MVB12B: variants seen among roughly 807,000 people sequenced by gnomAD.
MVB12B encodes ESCRT-I complex subunit MVB12B.
A neutral mutation model predicts 41.6 loss-of-function variants in MVB12B; 16 were observed. The observed-to-expected ratio is 0.38, with a 90% CI of 0.26 to 0.58. The LOEUF (loss-of-function observed/expected upper bound fraction) is 0.58, where lower values mean the gene tolerates loss of function less well. Ranked by LOEUF, MVB12B falls within the 20% of genes least tolerant of loss-of-function variation. The pLI, the probability that MVB12B is intolerant of heterozygous loss-of-function variation, is 0.62. For synonymous variants in MVB12B, 133 were observed against 139.7 expected, an observed-to-expected ratio of 0.95 and a Z score of 0.34; for missense variants, 274 against 380.2, an observed-to-expected ratio of 0.72 and a Z score of 2.32.
At chr9:126,371,751 T>C (rs1381092831) in intron 2 of MVB12B, among the ~76,000 whole-genome samples, 1 of 152,178 alleles carries the variant, frequency 6.6e-6, no homozygotes, top group Non-Finnish European at 1.5e-5. Context: ...CTCAGAAAAA[T>C]ATTCCGTGAA....
At chr9:126,446,963 G>A (rs1459754314) in intron 7 of MVB12B, among the ~76,000 whole-genome samples, 1 of 81,846 alleles carries the variant, frequency 1.2e-5, no homozygotes, top group Non-Finnish European at 2.4e-5. Flanking sequence ...TTTTTCCTTT[G>A]AGACAATGTC....
At chr9:126,491,822 G>A (rs1314639899) in intron 9 of MVB12B, among the ~76,000 whole-genome samples, 1 of 152,074 alleles carries the variant, frequency 6.6e-6, no homozygotes, top group African/African-American at 2.4e-5. Flanking sequence ...GAAGTCTGAG[G>A]CTTCTTTTCA....
At chr9:126,417,464 G>C (rs1197926033) in intron 6 of MVB12B, among the ~76,000 whole-genome samples, 1 of 152,118 alleles carries the variant, frequency 6.6e-6, no homozygotes, top group Non-Finnish European at 1.5e-5. Context: ...CTCCATAATG[G>C]AGAGAGGTGA....
chr9:126,402,581 G>T (rs1167372715), intron 6 of MVB12B, among the ~76,000 whole-genome samples: 2 of 152,180 alleles, frequency 1.3e-5, no homozygotes, highest in African/African-American at 4.8e-5. Flanking sequence ...AATCAAGGCT[G>T]CAGTGAGCTG....
In MVB12B at chr9:126,478,338, A is replaced by G. The variant is rs1018787810; in HGVS notation, c.758-3031A>G. Among the ~76,000 whole-genome samples the G allele has an allele frequency of 1.3e-5, 2 of 152,002 alleles. No homozygotes were observed. The highest frequency in any genetic ancestry group is 4.8e-5 in the African/African-American group (2 of 41,358). ...TGCCCCAGGCTGGAGCCCTCTACCC[A>G]GTTCCCCAGATCCCCGTGCATGGGA... On this transcript the variant is annotated intron_variant, in intron 7 of 9. Transcript: ENST00000361171. This position sits in a 1 kb window ranked among gnomAD's most constrained non-coding sequence, Gnocchi z 4.2.
chr9:126,343,823 A>G (rs1183062943), intron 2 of MVB12B, among the ~76,000 whole-genome samples: 1 of 152,220 alleles, frequency 6.6e-6, no homozygotes, highest in Non-Finnish European at 1.5e-5. Context: ...AGACTGAGGC[A>G]GGACAATCGA....
intron 6 of MVB12B, among the ~76,000 whole-genome samples, chr9:126,420,561 C>CTTTTTT (rs567217742): frequency 1.1e-4 from 11 of 98,872 alleles, no homozygotes; most frequent in African/African-American, 4.6e-4. Flanking sequence ...TCCCAGGAGT[C>CTTTTTT]TTTTTTTTTT....
At chr9:126,442,711 A>G (rs1002521802) in intron 7 of MVB12B, among the ~76,000 whole-genome samples, 7 of 152,198 alleles carry the variant, frequency 4.6e-5, no homozygotes, top group Admixed American at 1.3e-4. Context: ...TTTTTATAGT[A>G]GAGGGAAGAG....
intron 2 of MVB12B, among the ~76,000 whole-genome samples, chr9:126,368,790 G>A (rs1307879210): frequency 1.3e-5 from 2 of 152,144 alleles, no homozygotes; most frequent in Non-Finnish European, 2.9e-5. Context: ...CAAGGCTTAA[G>A]TACCTTTCAA....
At chr9:126,462,134 T>G (rs1833103432) in intron 7 of MVB12B, among the ~76,000 whole-genome samples, 1 of 152,242 alleles carries the variant, frequency 6.6e-6, no homozygotes, top group Admixed American at 6.5e-5. Context: ...CATGACAAAC[T>G]GCTCGATAGA....
chr9:126,385,198 T>C (rs1471379421), intron 3 of MVB12B, among the ~76,000 whole-genome samples: 2 of 152,152 alleles, frequency 1.3e-5, no homozygotes, highest in African/African-American at 4.8e-5. Flanking sequence ...AATTAATTTA[T>C]TCAGCAAGTA....
At chr9:126,406,292 C>T (rs1290769562) in intron 6 of MVB12B, among the ~76,000 whole-genome samples, 1 of 152,200 alleles carries the variant, frequency 6.6e-6, no homozygotes, top group Admixed American at 6.5e-5. Flanking sequence ...CACCGTCCAG[C>T]CTGTAGCCCA....
intron 7 of MVB12B, among the ~76,000 whole-genome samples, chr9:126,451,720 G>C (rs1403539931): frequency 6.6e-6 from 1 of 152,134 alleles, no homozygotes. Context: ...GAGGCACAAG[G>C]GTCCTGGGTG....
In MVB12B at chr9:126,421,753, G is replaced by T. The variant is rs547944153; in HGVS notation, c.663-101G>T. Reference sequence around the variant, plus strand: ...CTGGCCAGAAGCACCTGCTCTGCCCGCTGATCTGTGCTGCATTTCAGCTGT... The same window carrying T: ...CTGGCCAGAAGCACCTGCTCTGCCCTCTGATCTGTGCTGCATTTCAGCTGT... On this transcript the variant is annotated intron_variant, in intron 6 of 9. Coordinates refer to ENST00000361171, the MANE Select transcript of MVB12B (RefSeq NM_033446.3). The T allele has an allele frequency of 9.1e-5, 80 of 875,634 alleles. 1 individual carries two copies. The East Asian group carries it at 1.8e-3, about 19-fold the overall frequency. The allele number at this position is 875,634 out of a possible 1,614,324, so 54.2% of individuals were successfully genotyped here.
At chr9:126,481,086 T>A in intron 7 of MVB12B, 1 of 434,540 alleles carries the variant, frequency 2.3e-6, no homozygotes, top group Non-Finnish European at 4.1e-6. Context: ...GGGTGGAGAG[T>A]AGGGGTTCTG....
Position 126,506,676 on chromosome 9 carries a change from C to T in MVB12B, c.*3413C>T, listed in dbSNP as rs369949859. The T allele has an allele frequency of 1.3e-5, 2 of 152,440 alleles. No homozygotes were observed. The highest frequency in any genetic ancestry group is 4.8e-5 in the African/African-American group (2 of 41,594). 9.4% of individuals were successfully genotyped at this position (152,440 alleles called of 1,614,324 possible). A position where few individuals can be genotyped will look rare whatever the true frequency, so the allele number is the denominator to read the frequency against. On this transcript the variant is annotated 3_prime_UTR_variant, in exon 10 of 10. Transcript: ENST00000361171. ...AAGCAGCCCCCAGGCCTGGCAGCCACGCAGCGGCTGAGCTCATGAACTTGG... is the reference window on the plus strand; with the variant it reads ...AAGCAGCCCCCAGGCCTGGCAGCCATGCAGCGGCTGAGCTCATGAACTTGG...
At chr9:126,429,571 G>A (rs1832276609) in intron 7 of MVB12B, among the ~76,000 whole-genome samples, 2 of 152,330 alleles carry the variant, frequency 1.3e-5, no homozygotes, top group South Asian at 4.1e-4. Context: ...ACTGTAACAT[G>A]TATTATTAAA....
rs567217742 is a variant in MVB12B at position 126,420,561 on chromosome 9, CTTTTTTTTTTTT to C, written c.663-1271_663-1260del. Among the ~76,000 whole-genome samples the C allele has an allele frequency of 2.5e-4, 25 of 98,878 alleles. No individual in the cohort carries two copies. The South Asian group carries it at 4.2e-3, about 17-fold the overall frequency. 64.9% of individuals were successfully genotyped at this position (98,878 alleles called of 152,430 possible). A position where few individuals can be genotyped will look rare whatever the true frequency, so the allele number is the denominator to read the frequency against. The stretch of plus-strand genomic sequence containing the variant: ...CTGGAGAGCCTTTCCTCCCAGGAGT[CTTTTTTTTTTTT>C]TTTTTTTTTTTTTTTTTTTTTGAGG... On this transcript the variant is annotated intron_variant, in intron 6 of 9. Coordinates refer to ENST00000361171, the MANE Select transcript of MVB12B (RefSeq NM_033446.3).
chr9:126,416,937 C>T (rs1455174821), intron 6 of MVB12B, among the ~76,000 whole-genome samples: 1 of 152,224 alleles, frequency 6.6e-6, no homozygotes, highest in African/African-American at 2.4e-5. Flanking sequence ...CACCAAAGCA[C>T]TCCTGGGCCA....
Sources: gnomAD v4.1 joint callset for allele counts (sites outside exome capture counted in the v4.1 genomes callset) on GRCh38, gnomAD v4.1.1 for gene constraint, Gnocchi (gnomAD v3.1) non-coding constraint, MANE v1.5 for transcripts, NCBI Gene and HGNC (gene_info 2026-07-23, HGNC 2026-07-21) for gene names.